The following GLIS3 variants were observed in gnomAD, a reference collection of about 807,000 sequenced individuals.
GLIS3 encodes the protein zinc finger protein GLIS3.
Under a neutral mutation model 78.6 loss-of-function variants are expected in GLIS3, and 53 were observed. That is an observed-to-expected ratio of 0.67 (90% CI 0.54 to 0.85). GLIS3 has a LOEUF of 0.85. Among genes scored for constraint, GLIS3 ranks in the 40% least tolerant of loss-of-function variants. GLIS3 has a pLI of 0.00. For synonymous variants in GLIS3, 684 were observed against 509.9 expected (o/e 1.34, Z -4.60); for missense variants, 1,703 against 1,231.1 (o/e 1.38, Z -5.74).
chr9:4,237,362 C>G (rs1267718606), intron 2 of GLIS3, among the ~76,000 whole-genome samples: 1 of 152,058 alleles, frequency 6.6e-6, no homozygotes, highest in Admixed American at 6.6e-5. Flanking sequence ...GGCAACTTTA[C>G]ATTAACTGGA....
At position 3,960,133 on chromosome 9, in the gene GLIS3, T is replaced by A. The variant is rs143347582; in HGVS notation, c.1711-22944A>T. On this transcript the variant is annotated intron_variant, in intron 4 of 10. Coordinates refer to ENST00000381971, the MANE Select transcript of GLIS3 (RefSeq NM_001042413.2). ...GCCTGGGCAACAGAGCAAGACTCCA[T>A]CTAAAACAAAGAAAGAGGAAATTTG... is the stretch of plus-strand genomic sequence containing the variant. Among the ~76,000 whole-genome samples, 440 of 152,182 alleles carry A rather than the reference T, an allele frequency of 2.9e-3. 2 individuals are homozygous for A. Among genetic ancestry groups the A allele is most frequent in the Middle Eastern group, 0.02 (6 of 294 alleles).
intron 2 of GLIS3, among the ~76,000 whole-genome samples, chr9:4,165,759 A>G (rs1452910186): frequency 6.6e-6 from 1 of 152,240 alleles, no homozygotes; most frequent in East Asian, 1.9e-4. Flanking sequence ...GAGAGCCTAG[A>G]AATGGGGCTA....
At chr9:4,042,093 G>C (rs192112281) in intron 4 of GLIS3, among the ~76,000 whole-genome samples, 1 of 152,152 alleles carries the variant, frequency 6.6e-6, no homozygotes, top group Non-Finnish European at 1.5e-5. Flanking sequence ...TTTCTGAATA[G>C]AACGCACGTT....
chr9:4,151,517 C>A (rs1834678374), intron 2 of GLIS3, among the ~76,000 whole-genome samples: 1 of 152,162 alleles, frequency 6.6e-6, no homozygotes, highest in Non-Finnish European at 1.5e-5. Context: ...TGGAACTTGA[C>A]AGCATAATTT....
the GLIS3 span, among the ~76,000 whole-genome samples, chr9:4,404,718 G>A: frequency 1.3e-5 from 2 of 152,026 alleles, no homozygotes; most frequent in Non-Finnish European, 2.9e-5. Flanking sequence ...TACAGTGAGA[G>A]CAGTACTGAG....
chr9:4,056,939 A>C (rs1307286137), intron 4 of GLIS3, among the ~76,000 whole-genome samples: 1 of 150,630 alleles, frequency 6.6e-6, no homozygotes, highest in Non-Finnish European at 1.5e-5. Flanking sequence ...CCAGGAAAAA[A>C]AGCCACAATA....
At position 4,050,133 on chromosome 9, in the gene GLIS3, A is replaced by C. The variant is rs549487326; in HGVS notation, c.1710+67635T>G. ...AAAGGTTTATAAATCATGCCGCTAT[A>C]AAGACACATGCACACGTATGTTTAT... On this transcript the variant is annotated intron_variant, in intron 4 of 10. Transcript: ENST00000381971. 5.9e-5 allele frequency among the ~76,000 whole-genome samples: 9 copies of C among 151,920 alleles called. 1 individual carries two copies. Among genetic ancestry groups the C allele is most frequent in the Non-Finnish European group, 1.3e-4 (9 of 68,030 alleles).
At chr9:3,971,574 G>A (rs1327675128) in intron 4 of GLIS3, among the ~76,000 whole-genome samples, 1 of 152,118 alleles carries the variant, frequency 6.6e-6, no homozygotes, top group Non-Finnish European at 1.5e-5. Flanking sequence ...GACATGCAAG[G>A]GCTCTGTTGG....
At position 4,118,385 on chromosome 9, in the gene GLIS3, C is replaced by T. The variant is rs2130879817; in HGVS notation, c.1093G>A (p.Val365Met). The T allele has an allele frequency of 6.3e-7, 1 of 1,599,928 alleles. No individual in the cohort carries two copies. The highest frequency in any genetic ancestry group is 1.1e-5 in the South Asian group (1 of 90,420). ...AGCACGCCCTTCTGGCTGCCGGGCA[C>T]CGGGCGCGGCTGGGGAATGCAGCTG... ...RGSCIPQPRP[V>M]PGSQKGVLVA... The change falls in exon 4 of 11, where the codon GTG (valine) becomes ATG (methionine). Residue 365 changes from valine (V) to methionine (M), a missense_variant. Coordinates refer to ENST00000381971, the MANE Select transcript of GLIS3 (RefSeq NM_001042413.2). The surrounding 1 kb of genome is among the most constrained non-coding windows in gnomAD (Gnocchi z 4.7).
chr9:4,389,923 G>A, the GLIS3 span, among the ~76,000 whole-genome samples: 1 of 152,242 alleles, frequency 6.6e-6, no homozygotes, highest in African/African-American at 2.4e-5. Context: ...GCAACACAGT[G>A]TGATAAGTAA....
At chr9:4,089,472 T>C (rs1829312426) in intron 4 of GLIS3, among the ~76,000 whole-genome samples, 1 of 152,066 alleles carries the variant, frequency 6.6e-6, no homozygotes, top group African/African-American at 2.4e-5. Context: ...AAGGAAAATA[T>C]ATTATTATTA....
At chr9:4,320,061 A>C (rs1311125045) in intron 2 of GLIS3, among the ~76,000 whole-genome samples, 1 of 152,052 alleles carries the variant, frequency 6.6e-6, no homozygotes, top group East Asian at 1.9e-4. Flanking sequence ...GCTAAGTAAG[A>C]AACATAAAAA....
the GLIS3 span, among the ~76,000 whole-genome samples, chr9:4,480,069 G>A: frequency 4.0e-5 from 6 of 151,756 alleles, no homozygotes; most frequent in African/African-American, 1.2e-4. Flanking sequence ...GCCTTGACCA[G>A]AAAATATTTT....
chr9:4,231,636 G>A (rs144229876), intron 2 of GLIS3, among the ~76,000 whole-genome samples: 25 of 152,258 alleles, frequency 1.6e-4, no homozygotes, highest in African/African-American at 4.6e-4. Context: ...CTTAGGAAAC[G>A]TCTTAAAAAT....
At chr9:3,961,882 A>G (rs967830777) in intron 4 of GLIS3, among the ~76,000 whole-genome samples, 1 of 152,192 alleles carries the variant, frequency 6.6e-6, no homozygotes, top group African/African-American at 2.4e-5. Flanking sequence ...ATGATCACAA[A>G]GTATCTTGAC....
intron 2 of GLIS3, among the ~76,000 whole-genome samples, chr9:4,257,425 A>G (rs1168714590): frequency 2.0e-5 from 3 of 152,360 alleles, no homozygotes; most frequent in East Asian, 3.9e-4. Context: ...ACTAAAGTTA[A>G]TAATATTGTA....
At chr9:4,132,501 G>A (rs1820867802) in intron 2 of GLIS3, among the ~76,000 whole-genome samples, 1 of 152,080 alleles carries the variant, frequency 6.6e-6, no homozygotes, top group Non-Finnish European at 1.5e-5. Flanking sequence ...TAGATACAGG[G>A]GGAACAAGAA....
chr9:4,430,514 C>T, the GLIS3 span, among the ~76,000 whole-genome samples: 2 of 152,150 alleles, frequency 1.3e-5, no homozygotes, highest in African/African-American at 4.8e-5. Flanking sequence ...ATAATCTTAG[C>T]AATAGTTATC....
chr9:4,020,323 T>C (rs1365271774), intron 4 of GLIS3, among the ~76,000 whole-genome samples: 1 of 152,102 alleles, frequency 6.6e-6, no homozygotes, highest in East Asian at 1.9e-4. Flanking sequence ...TTTGTTTTGT[T>C]TTTTTCTTAA....
Sources: allele counts gnomAD v4.1 joint callset (sites outside exome capture counted in the v4.1 genomes callset), GRCh38; gene constraint gnomAD v4.1.1; non-coding constraint Gnocchi (gnomAD v3.1); transcripts MANE v1.5; gene names NCBI Gene and HGNC (gene_info 2026-07-23, HGNC 2026-07-21).